THRAP3: variants seen among roughly 807,000 people sequenced by gnomAD.
The protein encoded by THRAP3 is thyroid hormone receptor associated protein 3.
In THRAP3, 16 loss-of-function variants were observed where a neutral mutation model predicts 101.0. The observed-to-expected ratio is 0.16, with a 90% CI of 0.11 to 0.24. THRAP3 has a LOEUF of 0.24. THRAP3 is among the 10% of genes least tolerant of loss of function. The pLI is 1.00. For missense variants in THRAP3, 989 were observed against 1,202.7 expected, an observed-to-expected ratio of 0.82 and a Z score of 2.63; for synonymous variants, 407 against 422.6, an observed-to-expected ratio of 0.96 and a Z score of 0.45.
At chr1:36,213,469 G>T in the THRAP3 span, among the ~76,000 whole-genome samples, 5 of 151,266 alleles carry the variant, frequency 3.3e-5, no homozygotes, top group Admixed American at 2.0e-4. Context: ...AGTGGATGTT[G>T]TGACTGATGT....
the THRAP3 span, among the ~76,000 whole-genome samples, chr1:36,210,132 C>T: frequency 6.6e-6 from 1 of 151,922 alleles, no homozygotes; most frequent in Non-Finnish European, 1.5e-5. Flanking sequence ...TTTGGGAGGC[C>T]GAGGCGGGAG....
In THRAP3 at chr1:36,267,704, G is replaced by T. The variant is rs1232897161; in HGVS notation, c.-32+8220G>T. On this transcript the variant is annotated intron_variant, in intron 2 of 11. Transcript: ENST00000354618. Reference sequence around the variant, plus strand: ...GTTAACTGATACTAGGGCTTGAAAGGAGGTAAGTCAAGAAGAGGTAGGATG... The same window carrying T: ...GTTAACTGATACTAGGGCTTGAAAGTAGGTAAGTCAAGAAGAGGTAGGATG... 4.3e-4 allele frequency among the ~76,000 whole-genome samples: 5 copies of T among 11,616 alleles called. 1 individual carries two copies. Among genetic ancestry groups the T allele is most frequent in the African/African-American group, 5.9e-4 (5 of 8,468 alleles). The allele number at this position is 11,616 out of a possible 152,430, so 7.6% of individuals were successfully genotyped here. A position where few individuals can be genotyped will look rare whatever the true frequency, so the allele number is the denominator to read the frequency against.
intron 9 of THRAP3, among the ~76,000 whole-genome samples, chr1:36,297,928 C>T (rs1236830227): frequency 6.7e-6 from 1 of 149,990 alleles, no homozygotes. Context: ...AGGAAGATCA[C>T]GTGGTCAGGA....
At chr1:36,208,173 A>G in the THRAP3 span, among the ~76,000 whole-genome samples, 1 of 152,180 alleles carries the variant, frequency 6.6e-6, no homozygotes, top group East Asian at 1.9e-4. Context: ...CAGGCTGCCC[A>G]TGTGAGCACC....
intron 1 of THRAP3, among the ~76,000 whole-genome samples, chr1:36,238,755 G>A (rs1010661262): frequency 3.3e-5 from 5 of 151,954 alleles, no homozygotes; most frequent in Non-Finnish European, 5.9e-5. Context: ...GCCCAGGCTG[G>A]AGTGCAGTGG....
At chr1:36,249,787 T>A (rs1176293676) in intron 1 of THRAP3, among the ~76,000 whole-genome samples, 2 of 151,120 alleles carry the variant, frequency 1.3e-5, no homozygotes, top group Non-Finnish European at 2.9e-5. Context: ...GACGAGCATG[T>A]CTAATGGTGT....
In THRAP3 at chr1:36,291,392, T is replaced by C. The variant is rs758249400; in HGVS notation, c.1764T>C (p.Ala588=). ...EDLARPSGLL[A]QERKLCRDLV... ...TTTTCAGACCCAGTGGCTTATTGGC[T>C]CAGGAACGCAAGCTTTGCCGAGATC... Residue 588 remains alanine, a synonymous_variant, in exon 6 of 12, where the codon GCT becomes GCC. Coordinates refer to ENST00000354618, the MANE Select transcript of THRAP3 (RefSeq NM_005119.4). The C allele has an allele frequency of 6.2e-7, 1 of 1,613,900 alleles. No individual in the cohort carries two copies. The highest frequency in any genetic ancestry group is 8.5e-7 in the Non-Finnish European group (1 of 1,179,996).
At chr1:36,211,723 G>C in the THRAP3 span, among the ~76,000 whole-genome samples, 1 of 152,214 alleles carries the variant, frequency 6.6e-6, no homozygotes. Context: ...ACAAGCCACT[G>C]TTCCCCTGAC....
At chr1:36,261,390 A>G (rs994076853) in intron 2 of THRAP3, among the ~76,000 whole-genome samples, 12 of 152,088 alleles carry the variant, frequency 7.9e-5, no homozygotes, top group African/African-American at 1.7e-4. Flanking sequence ...AAAACTAGCC[A>G]GGCACGGTGG....
At chr1:36,292,345 C>T (rs1467352200) in intron 6 of THRAP3, among the ~76,000 whole-genome samples, 2 of 131,498 alleles carry the variant, frequency 1.5e-5, no homozygotes, top group Admixed American at 9.2e-5. Flanking sequence ...GATCTCAGCT[C>T]ACTGCAAATT....
At chr1:36,239,139 G>A (rs898519510) in intron 1 of THRAP3, among the ~76,000 whole-genome samples, 1 of 151,270 alleles carries the variant, frequency 6.6e-6, no homozygotes, top group Non-Finnish European at 1.5e-5. Context: ...CTCCTGAGCT[G>A]GTGATCCGCC....
At chr1:36,269,635 G>A (rs773405263) in intron 2 of THRAP3, among the ~76,000 whole-genome samples, 3 of 152,186 alleles carry the variant, frequency 2.0e-5, no homozygotes, top group Non-Finnish European at 4.4e-5. Flanking sequence ...GTGCAGTGGA[G>A]CAATCATTGC....
intron 2 of THRAP3, among the ~76,000 whole-genome samples, chr1:36,264,534 A>G (rs1254726880): frequency 6.6e-6 from 1 of 152,216 alleles, no homozygotes; most frequent in African/African-American, 2.4e-5. Flanking sequence ...TTTTAGAATG[A>G]TAATTTGCTT....
At chr1:36,295,609 T>C (rs1051220728) in intron 8 of THRAP3, among the ~76,000 whole-genome samples, 8 of 134,084 alleles carry the variant, frequency 6.0e-5, no homozygotes, top group East Asian at 2.7e-4. Flanking sequence ...CCCTTCCTTC[T>C]TCCCTCCCTT....
At chr1:36,234,807 C>CTTTTTTT (rs35278020) in intron 1 of THRAP3, among the ~76,000 whole-genome samples, 39 of 72,464 alleles carry the variant, frequency 5.4e-4, no homozygotes, top group Admixed American at 9.7e-4. Context: ...CTGTTTCAGT[C>CTTTTTTT]TTTTTTTTTT....
intron 5 of THRAP3, among the ~76,000 whole-genome samples, chr1:36,290,529 ACT>A (rs1645855018): frequency 6.6e-6 from 1 of 151,354 alleles, no homozygotes; most frequent in Admixed American, 6.6e-5. Context: ...GCAGTGGTGC[ACT>A]CTCAACTCAC....
At chr1:36,279,541 A>G (rs1645705447) in intron 2 of THRAP3, among the ~76,000 whole-genome samples, 1 of 152,208 alleles carries the variant, frequency 6.6e-6, no homozygotes, top group South Asian at 2.1e-4. Context: ...TAGTGACACT[A>G]CTGCCAAAAA....
At chr1:36,210,554 G>A in the THRAP3 span, among the ~76,000 whole-genome samples, 1 of 143,534 alleles carries the variant, frequency 7.0e-6, no homozygotes, top group African/African-American at 2.6e-5. Flanking sequence ...AGCTGGATGT[G>A]GTGTCGTGCG....
rs145082495 is a variant in THRAP3, at chr1:36,301,787, C to T, written c.2646+91C>T. The T allele has an allele frequency of 9.4e-5, 138 of 1,471,216 alleles. No homozygotes were observed. The African/African-American group carries it at 1.5e-3, about 16-fold the overall frequency. 91.1% of individuals were successfully genotyped at this position (1,471,216 alleles called of 1,614,324 possible). A position where few individuals can be genotyped will look rare whatever the true frequency, so the allele number is the denominator to read the frequency against. On this transcript the variant is annotated intron_variant, in intron 11 of 11. Transcript: ENST00000354618. ...GCCTTAATTAGTTTGTCCAAAACTG[C>T]GATTAAATGTACGTGCAGGATTATT...
Sources: allele counts gnomAD v4.1 joint callset (sites outside exome capture counted in the v4.1 genomes callset), GRCh38; gene constraint gnomAD v4.1.1; transcripts MANE v1.5; gene names NCBI Gene and HGNC (gene_info 2026-07-23, HGNC 2026-07-21).